GRIN2B: variants seen among roughly 807,000 people sequenced by gnomAD.
The protein encoded by GRIN2B is glutamate ionotropic receptor NMDA type subunit 2B.
In GRIN2B, 5 loss-of-function variants were observed where a neutral mutation model predicts 114.5. That is an observed-to-expected ratio of 0.04 (90% CI 0.02 to 0.09). The LOEUF is 0.09. Ranked by LOEUF, GRIN2B falls within the 10% of genes least tolerant of loss-of-function variation. GRIN2B has a pLI of 1.00. For missense variants in GRIN2B, 1,108 were observed against 1,943.5 expected (o/e 0.57, Z 8.08); for synonymous variants, 787 against 745.1 (o/e 1.06, Z -0.92).
chr12:13,873,152 A>T (rs1454185809), intron 2 of GRIN2B, among the ~76,000 whole-genome samples: 3 of 152,218 alleles, frequency 2.0e-5, no homozygotes, highest in Admixed American at 6.5e-5. Flanking sequence ...ATACATTTTT[A>T]AGAATTGTAA....
At chr12:13,799,711 G>T (rs1864472920) in intron 3 of GRIN2B, among the ~76,000 whole-genome samples, 1 of 152,100 alleles carries the variant, frequency 6.6e-6, no homozygotes, top group Non-Finnish European at 1.5e-5. Flanking sequence ...GGGGGGGAAA[G>T]GAGGAGCAGG....
At chr12:13,569,778 G>T in intron 12 of GRIN2B, 52 bp downstream of exon 12, 1 of 1,109,568 alleles carries the variant, frequency 9.0e-7, no homozygotes, top group Non-Finnish European at 1.3e-6. Context: ...TTGATGTTTT[G>T]GACTGGCCAT....
chr12:13,755,881 T>C (rs958021937), intron 3 of GRIN2B, among the ~76,000 whole-genome samples: 5 of 152,176 alleles, frequency 3.3e-5, no homozygotes, highest in African/African-American at 1.2e-4. Context: ...CCCAGAGAGC[T>C]ACCTTGCTCC....
At chr12:13,601,257 G>C (rs1321554693) in intron 10 of GRIN2B, among the ~76,000 whole-genome samples, 1 of 152,202 alleles carries the variant, frequency 6.6e-6, no homozygotes, top group Non-Finnish European at 1.5e-5. Flanking sequence ...GCTGGGCAGT[G>C]CTTCTTCCAA....
At chr12:13,926,005 C>T (rs10845863) in intron 2 of GRIN2B, among the ~76,000 whole-genome samples, 8,814 of 152,050 alleles carry the variant, frequency 0.058, 930 homozygotes, top group East Asian at 0.41. Flanking sequence ...TAGCAACTGA[C>T]AATCAGAGGA....
intron 2 of GRIN2B, among the ~76,000 whole-genome samples, chr12:13,946,949 T>C (rs113389191): frequency 1.3e-5 from 2 of 152,178 alleles, no homozygotes; most frequent in African/African-American, 4.8e-5. Flanking sequence ...CTTTGAGCGA[T>C]GCATATAGTA....
At chr12:13,888,598 G>A (rs1255371761) in intron 2 of GRIN2B, among the ~76,000 whole-genome samples, 3 of 151,818 alleles carry the variant, frequency 2.0e-5, no homozygotes, top group Non-Finnish European at 2.9e-5. Context: ...GCCGGGTGTG[G>A]TGGTGCACTC....
chr12:13,582,814 G>A (rs1437215873), intron 10 of GRIN2B, among the ~76,000 whole-genome samples: 1 of 152,128 alleles, frequency 6.6e-6, no homozygotes, highest in East Asian at 1.9e-4. Context: ...AAAGCTTGCA[G>A]CAAATAAAAC....
intron 10 of GRIN2B, among the ~76,000 whole-genome samples, chr12:13,572,204 C>T (rs1948717102): frequency 6.6e-6 from 1 of 152,136 alleles, no homozygotes; most frequent in Non-Finnish European, 1.5e-5. Flanking sequence ...TTTCTATTTG[C>T]CCAACCCTGA....
intron 2 of GRIN2B, among the ~76,000 whole-genome samples, chr12:13,867,757 T>A (rs1218521526): frequency 6.6e-6 from 1 of 152,092 alleles, no homozygotes; most frequent in Non-Finnish European, 1.5e-5. Flanking sequence ...TGCCAATACA[T>A]AAACACAGCA....
intron 2 of GRIN2B, among the ~76,000 whole-genome samples, chr12:13,975,223 G>A (rs532830035): frequency 6.6e-5 from 10 of 152,288 alleles, no homozygotes; most frequent in South Asian, 6.2e-4. Context: ...CCTGTGAAGC[G>A]TGGTCCAGCA....
At chr12:13,828,291 A>C (rs552259538) in intron 3 of GRIN2B, among the ~76,000 whole-genome samples, 1 of 152,296 alleles carries the variant, frequency 6.6e-6, no homozygotes, top group South Asian at 2.1e-4. Context: ...AGTCTCAATG[A>C]GTTCTTTCTA....
intron 4 of GRIN2B, among the ~76,000 whole-genome samples, chr12:13,684,540 C>A (rs547150706): frequency 3.9e-5 from 6 of 152,288 alleles, no homozygotes; most frequent in Non-Finnish European, 8.8e-5. Context: ...TAAGGTGCTA[C>A]AGGAAAGCCA....
chr12:13,568,657 C>G lies in GRIN2B; in HGVS notation c.2359+1173G>C, dbSNP rs145422597. 5.3e-5 allele frequency among the ~76,000 whole-genome samples: 8 copies of G among 152,298 alleles called. No homozygotes were observed. The East Asian group carries it at 1.5e-3, about 29-fold the overall frequency. ...CTTCTGCTTCTGATCTCATCCTTAA[C>G]AGCAAAGCTGCAGACATAATTGAGA... On this transcript the variant is annotated intron_variant, in intron 12 of 13. Coordinates refer to ENST00000609686, the MANE Select transcript of GRIN2B (RefSeq NM_000834.5).
At chr12:13,732,745 G>A (rs544175406) in intron 4 of GRIN2B, among the ~76,000 whole-genome samples, 14 of 152,242 alleles carry the variant, frequency 9.2e-5, no homozygotes, top group Admixed American at 2.6e-4. Context: ...GTACTTTACC[G>A]TTTGTTGAAA....
chr12:13,672,511 G>A (rs747241625), intron 5 of GRIN2B, among the ~76,000 whole-genome samples: 6 of 152,076 alleles, frequency 3.9e-5, no homozygotes, highest in Admixed American at 6.6e-5. Flanking sequence ...ACAGTGGAAG[G>A]ACCAATACAA....
chr12:13,836,756 T>A (rs1865274666), intron 3 of GRIN2B, among the ~76,000 whole-genome samples: 1 of 152,116 alleles, frequency 6.6e-6, no homozygotes, highest in Non-Finnish European at 1.5e-5. Flanking sequence ...GACAGAGCCC[T>A]GTGAGCTGAG....
chr12:13,594,436 A>G (rs1949047322), intron 10 of GRIN2B, among the ~76,000 whole-genome samples: 1 of 151,854 alleles, frequency 6.6e-6, no homozygotes, highest in Admixed American at 6.6e-5. Flanking sequence ...AGAAAACCAA[A>G]TATCACATGT....
At chr12:13,841,270 A>C (rs895663551) in intron 3 of GRIN2B, among the ~76,000 whole-genome samples, 4 of 152,176 alleles carry the variant, frequency 2.6e-5, no homozygotes, top group Non-Finnish European at 5.9e-5. Flanking sequence ...CCTAAACTCT[A>C]ACCCAGTGTT....
Sources: gnomAD v4.1 joint callset for allele counts (sites outside exome capture counted in the v4.1 genomes callset) on GRCh38, gnomAD v4.1.1 for gene constraint, MANE v1.5 for transcripts, NCBI Gene and HGNC (gene_info 2026-07-23, HGNC 2026-07-21) for gene names.